The following NUP205 variants were observed in gnomAD, a reference collection of about 807,000 sequenced individuals.
The protein encoded by NUP205 is nucleoporin 205.
Under a neutral mutation model 253.8 loss-of-function variants are expected in NUP205, and 76 were observed. The observed-to-expected ratio is 0.30, with a 90% CI of 0.25 to 0.36. The LOEUF is 0.36. Ranked by LOEUF, NUP205 falls within the 10% of genes least tolerant of loss-of-function variation. The pLI is 1.00. For missense variants in NUP205, 2,162 were observed against 2,425.5 expected, an observed-to-expected ratio of 0.89 and a Z score of 2.28; for synonymous variants, 832 against 850.1, an observed-to-expected ratio of 0.98 and a Z score of 0.37.
chr7:135,607,281 C>T lies in NUP205; in HGVS notation c.3105C>T (p.Ala1035=). The T allele has an allele frequency of 6.2e-7, 1 of 1,614,112 alleles. No homozygotes were observed. The highest frequency in any genetic ancestry group is 8.5e-7 in the Non-Finnish European group (1 of 1,179,996). ...GTTGCCCTCGGACATGCCTTCACGC[C>T]ATTCTAAACATCTTGGAGAAAGGAA... ...VLGCPRTCLH[A]ILNILEKGTE... is the part of the protein sequence containing the mutation. The change falls in exon 22 of 43, where the codon GCC becomes GCT. Residue 1035 remains alanine (A), a synonymous_variant. Transcript: ENST00000285968.
chr7:135,619,347 A>C, intron 28 of NUP205, 76 bp from the exon 29 acceptor site: 1 of 1,498,332 alleles, frequency 6.7e-7, no homozygotes, highest in Non-Finnish European at 9.1e-7. Flanking sequence ...GTCTTCAAAA[A>C]AAAAAAGCTA....
At chr7:135,644,792 G>A in intron 39 of NUP205, 103 bp from the exon 40 acceptor site, 1 of 1,106,898 alleles carries the variant, frequency 9.0e-7, no homozygotes, top group Non-Finnish European at 1.3e-6. Context: ...TTAAATTTGA[G>A]TGTTTTTCAT....
At chr7:135,580,476 T>C (rs1806274563) in intron 7 of NUP205, among the ~76,000 whole-genome samples, 1 of 152,162 alleles carries the variant, frequency 6.6e-6, no homozygotes, top group African/African-American at 2.4e-5. Context: ...TCTTCTTTTT[T>C]TATTTTGGAG....
At chr7:135,623,883 C>T (rs1480053405) in intron 31 of NUP205, among the ~76,000 whole-genome samples, 4 of 150,984 alleles carry the variant, frequency 2.6e-5, no homozygotes, top group African/African-American at 4.9e-5. Context: ...CCCGAGTTCA[C>T]GCCATTCTCC....
intron 33 of NUP205, among the ~76,000 whole-genome samples, chr7:135,626,624 C>T (rs1207771677): frequency 1.3e-5 from 2 of 152,166 alleles, no homozygotes; most frequent in Admixed American, 6.5e-5. Context: ...TTTGCAGTTA[C>T]ACTATCTTTT....
At chr7:135,561,680 T>C (rs1261731119) in intron 1 of NUP205, among the ~76,000 whole-genome samples, 7 of 152,236 alleles carry the variant, frequency 4.6e-5, no homozygotes. Context: ...TGCATTCTTT[T>C]GAATCACTTT....
rs370559672 is a variant in NUP205, at chr7:135,593,173, C to T, written c.1811C>T (p.Thr604Met). 28 of 1,614,006 alleles carry T rather than the reference C, an allele frequency of 1.7e-5. No individual in the cohort carries two copies. In the African/African-American group the frequency reaches 2.5e-4, roughly 15 times the overall value. The change falls in exon 12 of 43, where the codon ACG (threonine) becomes ATG (methionine). Residue 604 changes from threonine to methionine, a missense_variant. Coordinates refer to ENST00000285968, the MANE Select transcript of NUP205 (RefSeq NM_015135.3). ...QDGLIAFLQL[T>M]STIITWSENA... is the part of the protein sequence containing the mutation. ...GGATTGATTGCTTTTTTGCAGCTCA[C>T]GTCTACCATCATTACTTGGGTAGGT...
At chr7:135,620,208 G>A (rs1200512350) in intron 30 of NUP205, among the ~76,000 whole-genome samples, 1 of 152,124 alleles carries the variant, frequency 6.6e-6, no homozygotes, top group African/African-American at 2.4e-5. Context: ...TTTCCTTTGT[G>A]CTACATCAGA....
intron 36 of NUP205, 103 bp from the exon 37 acceptor site, chr7:135,637,828 A>G: frequency 1.9e-6 from 2 of 1,068,302 alleles, no homozygotes; most frequent in Non-Finnish European, 1.3e-6. Context: ...AGATGCCTTA[A>G]GGACTGATTC....
chr7:135,561,937 T>C (rs1015430372), intron 1 of NUP205, among the ~76,000 whole-genome samples: 3 of 151,726 alleles, frequency 2.0e-5, no homozygotes, highest in Non-Finnish European at 4.4e-5. Flanking sequence ...CCTTCCTTCC[T>C]TCCCTCCCTC....
At chr7:135,577,506 G>A (rs1806182908) in intron 5 of NUP205, among the ~76,000 whole-genome samples, 1 of 152,072 alleles carries the variant, frequency 6.6e-6, no homozygotes, top group South Asian at 2.1e-4. Flanking sequence ...AGTCAGCTGT[G>A]TCCATAAAAT....
chr7:135,602,915 A>G lies in NUP205; in HGVS notation c.2623A>G (p.Ile875Val), dbSNP rs1307881219. ...DLLRESQLALIVCPLEQLLQG... is the reference protein window; with the variant it reads ...DLLRESQLALVVCPLEQLLQG... Reference sequence around the variant, plus strand: ...TCTAAGAGAGAGTCAACTGGCTCTAATAGTCTGTCCTTTAGAACAGCTTTT... The same window carrying G: ...TCTAAGAGAGAGTCAACTGGCTCTAGTAGTCTGTCCTTTAGAACAGCTTTT... Residue 875 changes from isoleucine to valine, a missense_variant, in exon 18 of 43, where the codon ATA becomes GTA. Physicochemically the swap from Ile to Val is conservative, Grantham distance 29. Coordinates refer to ENST00000285968, the MANE Select transcript of NUP205 (RefSeq NM_015135.3). The G allele has an allele frequency of 1.2e-6, 2 of 1,613,922 alleles. No homozygotes were observed. Among genetic ancestry groups the G allele is most frequent in the Admixed American group, 1.7e-5 (1 of 60,014 alleles).
chr7:135,579,312 A>G (rs1488308413), intron 7 of NUP205, among the ~76,000 whole-genome samples: 1 of 151,452 alleles, frequency 6.6e-6, no homozygotes, highest in Non-Finnish European at 1.5e-5. Context: ...CTCCTGCCTC[A>G]GCCTCCCAAG....
At chr7:135,560,380 C>T (rs751053058) in intron 1 of NUP205, among the ~76,000 whole-genome samples, 21 of 152,270 alleles carry the variant, frequency 1.4e-4, no homozygotes, top group Non-Finnish European at 1.9e-4. Context: ...TTGCCAACAG[C>T]AGCAAAGAGT....
Position 135,625,361 on chromosome 7 carries a change from G to T in NUP205, c.4671+6G>T. The T allele has an allele frequency of 6.4e-7, 1 of 1,568,062 alleles. No homozygotes were observed. Among genetic ancestry groups the T allele is most frequent in the African/African-American group, 1.4e-5 (1 of 72,622 alleles). On this transcript the variant is annotated splice_donor_region_variant and intron_variant, in intron 32 of 42. Coordinates refer to ENST00000285968, the MANE Select transcript of NUP205 (RefSeq NM_015135.3). ...ATACTTATGAATCTAAAATGGTAAG[G>T]CTTTCTAGACATTTGATGTTAGATC...
chr7:135,585,184 G>GTC (rs1433727907), intron 8 of NUP205, among the ~76,000 whole-genome samples, 177 bp downstream of exon 8: 1 of 152,146 alleles, frequency 6.6e-6, no homozygotes, highest in Non-Finnish European at 1.5e-5. Flanking sequence ...TAAGTCATGA[G>GTC]TCTCTACAAG....
At position 135,622,897 on chromosome 7, in the gene NUP205, A is replaced by G. The variant is rs199816290; in HGVS notation, c.4451A>G (p.Asp1484Gly). The G allele has an allele frequency of 4.0e-5, 65 of 1,614,006 alleles. No individual in the cohort carries two copies. Among genetic ancestry groups the G allele is most frequent in the Non-Finnish European group, 5.4e-5 (64 of 1,180,014 alleles). ...GCCCTCATGGAAGTGGTCTGTCGAG[A>G]TGCTTGTGATGGTCATGAGATTGGA... ...GAALMEVVCR[D>G]ACDGHEIGRM... Residue 1484 changes from aspartate to glycine, a missense_variant, in exon 31 of 43, where the codon GAT becomes GGT. Coordinates refer to ENST00000285968, the MANE Select transcript of NUP205 (RefSeq NM_015135.3).
At position 135,594,623 on chromosome 7, in the gene NUP205, G is replaced by C. The variant is rs1244789645; in HGVS notation, c.1907G>C (p.Cys636Ser). The C allele has an allele frequency of 1.9e-6, 3 of 1,613,752 alleles. No homozygotes were observed. In the Admixed American group the frequency reaches 5.0e-5, roughly 27 times the overall value. Residue 636 changes from cysteine (C) to serine (S), a missense_variant, in exon 13 of 43, where the codon TGC (cysteine) becomes TCC (serine). By Grantham distance (112) the Cys-to-Ser change is moderately radical. Around this residue, in one of 5 missense-constraint regions of NUP205, gnomAD observed 892 missense variants for 957.1 expected, o/e 0.93. Coordinates refer to ENST00000285968, the MANE Select transcript of NUP205 (RefSeq NM_015135.3). ...GTGGTGATTCTGGGACTCCTCCAATGCAGTATTCCCCCTGTCCTAAAAGCT... is the reference window on the plus strand; with the variant it reads ...GTGGTGATTCTGGGACTCCTCCAATCCAGTATTCCCCCTGTCCTAAAAGCT... ...PVVVILGLLQ[C>S]SIPPVLKAEL... is the part of the protein sequence containing the mutation.
Position 135,625,278 on chromosome 7 carries a change from G to A in NUP205, c.4594G>A (p.Asp1532Asn). 6.2e-7 allele frequency: 1 copy of A among 1,614,162 alleles called. No homozygotes were observed. The highest frequency in any genetic ancestry group is 8.5e-7 in the Non-Finnish European group (1 of 1,180,032). The change falls in exon 32 of 43, where the codon GAT (aspartate) becomes AAT (asparagine). Residue 1532 changes from aspartate to asparagine, a missense_variant. Physicochemically the swap from Asp to Asn is conservative, Grantham distance 23 (BLOSUM62 1). Around this residue, in one of 5 missense-constraint regions of NUP205, gnomAD observed 1,144 missense variants for 1,280.9 expected, o/e 0.89. Transcript: ENST00000285968. ...GGTCCTCGTAGACAGCTTGGTAGAA[G>A]ATGACCGTACTTTGCAGAGCTTACT... ...LKVLVDSLVE[D>N]DRTLQSLLTP... is the part of the protein sequence containing the mutation.
Sources: gnomAD v4.1 joint callset for allele counts (sites outside exome capture counted in the v4.1 genomes callset) on GRCh38, gnomAD v4.1.1 for gene constraint, gnomAD v4.1.1 regional missense constraint, MANE v1.5 for transcripts, NCBI Gene and HGNC (gene_info 2026-07-23, HGNC 2026-07-21) for gene names.